WDFY2: variants seen among roughly 807,000 people sequenced by gnomAD.
The protein encoded by WDFY2 is WD repeat and FYVE domain containing 2, also known as WD repeat and FYVE domain-containing protein 2.
In WDFY2, 36 loss-of-function variants were observed where a neutral mutation model predicts 56.4. The ratio of observed to expected loss-of-function variants is 0.64; its 90% CI spans 0.49 to 0.84. WDFY2 has a LOEUF of 0.84. WDFY2 is among the 40% of genes least tolerant of loss of function. WDFY2 has a pLI of 0.00. For synonymous variants in WDFY2, 176 were observed against 183.7 expected (o/e 0.96, Z 0.34); for missense variants, 444 against 512.2 (o/e 0.87, Z 1.29).
In WDFY2 at chr13:51,760,299, C is replaced by T. The variant is rs1246477178; in HGVS notation, c.*530C>T. On this transcript the variant is annotated 3_prime_UTR_variant, in exon 12 of 12. Coordinates refer to ENST00000298125, the MANE Select transcript of WDFY2 (RefSeq NM_052950.4). ...AGTGTTTCTGCTTTCATGTCCTCCT[C>T]AGTGGAGAGATTTGGAAACTCATCA... The T allele has an allele frequency of 9.2e-5, 14 of 152,316 alleles. No individual in the cohort carries two copies. Among genetic ancestry groups the T allele is most frequent in the Admixed American group, 9.2e-4 (14 of 15,292 alleles). 9.4% of individuals were successfully genotyped at this position (152,316 alleles called of 1,614,324 possible). A position where few individuals can be genotyped will look rare whatever the true frequency, so the allele number is the denominator to read the frequency against.
At chr13:51,621,736 C>T (rs767251703) in intron 1 of WDFY2, among the ~76,000 whole-genome samples, 5 of 152,102 alleles carry the variant, frequency 3.3e-5, no homozygotes, top group Non-Finnish European at 7.3e-5. Context: ...TGGGTTCCCT[C>T]AGGCCTAAAT....
intron 1 of WDFY2, among the ~76,000 whole-genome samples, chr13:51,639,483 G>A (rs1458317051): frequency 8.0e-5 from 12 of 149,624 alleles, no homozygotes; most frequent in African/African-American, 2.9e-4. Flanking sequence ...TTGTTTATTT[G>A]ACTTGGCAGA....
chr13:51,597,706 G>A (rs1954177762), intron 1 of WDFY2, among the ~76,000 whole-genome samples: 1 of 152,162 alleles, frequency 6.6e-6, no homozygotes, highest in South Asian at 2.1e-4. Context: ...CTAGGAGATT[G>A]CAACAATTTG....
chr13:51,660,179 G>A (rs539367108), intron 1 of WDFY2, among the ~76,000 whole-genome samples: 7 of 152,064 alleles, frequency 4.6e-5, no homozygotes, highest in African/African-American at 1.7e-4. Flanking sequence ...ACATAGGTAT[G>A]TTAAGATATT....
intron 2 of WDFY2, among the ~76,000 whole-genome samples, chr13:51,673,325 T>C (rs1404455485): frequency 6.6e-6 from 1 of 152,222 alleles, no homozygotes; most frequent in African/African-American, 2.4e-5. Context: ...GAAATACTTT[T>C]AGATGGTCAA....
At chr13:51,674,841 G>A (rs138108370) in intron 2 of WDFY2, among the ~76,000 whole-genome samples, 74 of 152,260 alleles carry the variant, frequency 4.9e-4, no homozygotes, top group Middle Eastern at 3.4e-3. Flanking sequence ...AGAGAGAGTG[G>A]TAACAGAAAC....
intron 3 of WDFY2, among the ~76,000 whole-genome samples, chr13:51,691,282 C>T (rs1482043680): frequency 6.6e-6 from 1 of 151,756 alleles, no homozygotes; most frequent in Non-Finnish European, 1.5e-5. Flanking sequence ...ATGCCTATGT[C>T]CTGAATGGTA....
At chr13:51,610,930 G>A (rs1954490655) in intron 1 of WDFY2, among the ~76,000 whole-genome samples, 1 of 152,154 alleles carries the variant, frequency 6.6e-6, no homozygotes, top group Admixed American at 6.5e-5. Flanking sequence ...CTCTGTTGGT[G>A]ATCACCTGTC....
chr13:51,662,750 A>G (rs1315174289), intron 2 of WDFY2, among the ~76,000 whole-genome samples: 1 of 152,212 alleles, frequency 6.6e-6, no homozygotes, highest in Non-Finnish European at 1.5e-5. Context: ...TGGTCTGATA[A>G]TAAAGATGTG....
chr13:51,752,319 A>T (rs540029604), intron 8 of WDFY2, among the ~76,000 whole-genome samples: 1 of 152,214 alleles, frequency 6.6e-6, no homozygotes, highest in Admixed American at 6.5e-5. Flanking sequence ...AATCAAAATG[A>T]TCATTACTGT....
At chr13:51,711,873 A>T (rs1462656341) in intron 4 of WDFY2, among the ~76,000 whole-genome samples, 3 of 152,198 alleles carry the variant, frequency 2.0e-5, no homozygotes, top group African/African-American at 4.8e-5. Flanking sequence ...ATTGTGGAAG[A>T]CAGTGTGGCG....
chr13:51,623,068 G>C (rs1207911092), intron 1 of WDFY2, among the ~76,000 whole-genome samples: 1 of 152,004 alleles, frequency 6.6e-6, no homozygotes. Context: ...ATGTTGGCCA[G>C]GCTGGTCTTG....
intron 9 of WDFY2, among the ~76,000 whole-genome samples, chr13:51,755,846 A>T (rs1257368973): frequency 6.6e-6 from 1 of 152,174 alleles, no homozygotes; most frequent in East Asian, 1.9e-4. Flanking sequence ...TCTACTTATA[A>T]TACAGCATTT....
intron 4 of WDFY2, among the ~76,000 whole-genome samples, chr13:51,705,176 AG>A (rs1245179900): frequency 6.6e-6 from 1 of 152,220 alleles, no homozygotes; most frequent in Non-Finnish European, 1.5e-5. Context: ...CTAGTTTAAT[AG>A]CCCACAAGGA....
At chr13:51,697,369 C>T (rs1016964979) in intron 3 of WDFY2, among the ~76,000 whole-genome samples, 30 of 152,096 alleles carry the variant, frequency 2.0e-4, no homozygotes, top group Admixed American at 9.8e-4. Flanking sequence ...CAGTGACTCA[C>T]GCCTATAATC....
intron 7 of WDFY2, among the ~76,000 whole-genome samples, chr13:51,742,535 T>A (rs557642165): frequency 1.3e-5 from 2 of 152,246 alleles, no homozygotes; most frequent in Non-Finnish European, 2.9e-5. Context: ...TGGACACTTA[T>A]TGTCCCATGC....
intron 3 of WDFY2, among the ~76,000 whole-genome samples, chr13:51,699,936 A>G (rs891971882): frequency 7.2e-5 from 11 of 152,248 alleles, no homozygotes; most frequent in Non-Finnish European, 1.3e-4. Context: ...AATGTGAAGT[A>G]CTTGAATAAA....
chr13:51,726,267 T>C (rs756695965), intron 5 of WDFY2, among the ~76,000 whole-genome samples: 7 of 152,244 alleles, frequency 4.6e-5, no homozygotes, highest in Non-Finnish European at 8.8e-5. Flanking sequence ...CTGGTGTCTG[T>C]GTATAAAGAT....
intron 6 of WDFY2, among the ~76,000 whole-genome samples, chr13:51,736,823 A>G (rs1566206150): frequency 6.6e-6 from 1 of 152,138 alleles, no homozygotes; most frequent in Admixed American, 6.5e-5. Context: ...GTGTAGGTAT[A>G]TATCGGTCAG....
Sources: gnomAD v4.1 joint callset for allele counts (sites outside exome capture counted in the v4.1 genomes callset) on GRCh38, gnomAD v4.1.1 for gene constraint, MANE v1.5 for transcripts, NCBI Gene and HGNC (gene_info 2026-07-23, HGNC 2026-07-21) for gene names.